Variants in CHID1 observed in about 807,000 individuals in gnomAD.
The protein encoded by CHID1 is chitinase domain containing 1.
A neutral mutation model predicts 55.4 loss-of-function variants in CHID1; 44 were observed. That is an observed-to-expected ratio of 0.79 (90% confidence interval 0.62 to 1.02). CHID1 has a LOEUF of 1.02. Among genes scored for constraint, CHID1 ranks in the 50% least tolerant of loss-of-function variants. The pLI is 0.00. For synonymous variants in CHID1, 216 were observed against 212.9 expected (o/e 1.01, Z -0.13); for missense variants, 491 against 515.3 (o/e 0.95, Z 0.46).
intron 5 of CHID1, 44 bp downstream of exon 5, chr11:900,892 A>C (rs1319117320): frequency 1.3e-6 from 2 of 1,558,274 alleles, no homozygotes; most frequent in African/African-American, 2.8e-5. Context: ...CCACCCCCGC[A>C]GTTTGAGCCA....
chr11:894,381 T>C (rs1851102135), intron 7 of CHID1, among the ~76,000 whole-genome samples: 1 of 152,090 alleles, frequency 6.6e-6, no homozygotes, highest in Non-Finnish European at 1.5e-5. Context: ...GGGATGGCAC[T>C]AGCCTCCCTC....
At chr11:910,816 G>A (rs1427591997), upstream of CHID1, 18 of 1,104,054 alleles carry the variant, frequency 1.6e-5, no homozygotes, top group Non-Finnish European at 1.8e-5. Flanking sequence ...CGCACGGCCG[G>A]AAAACGCTCC....
At position 868,873 on chromosome 11, in the gene CHID1, T is replaced by C. The variant is rs1361088589; in HGVS notation, c.*985A>G. On this transcript the variant is annotated 3_prime_UTR_variant, in exon 13 of 13. Transcript: ENST00000323578. The stretch of plus-strand genomic sequence containing the variant: ...CTCACTTCTGTCCCCCCGAGAGACC[T>C]TGCCCGGGACATGTACCCACCTATG... 1.3e-5 allele frequency: 2 copies of C among 151,974 alleles called. No individual in the cohort carries two copies. Among genetic ancestry groups the C allele is most frequent in the Admixed American group, 6.6e-5 (1 of 15,244 alleles). 9.4% of individuals were successfully genotyped at this position (151,974 alleles called of 1,614,324 possible). A position where few individuals can be genotyped will look rare whatever the true frequency, so the allele number is the denominator to read the frequency against.
chr11:869,849 A>G lies in CHID1; in HGVS notation c.*9T>C. The G allele has an allele frequency of 6.2e-7, 1 of 1,611,996 alleles. No individual in the cohort carries two copies. The highest frequency in any genetic ancestry group is 8.5e-7 in the Non-Finnish European group (1 of 1,178,966). On this transcript the variant is annotated 3_prime_UTR_variant, in exon 13 of 13. Transcript: ENST00000323578. ...AGAACACGTCCACCGCGGAGGCCGC[A>G]ATGCCCACCTAGAGCAGGTCGTAGA...
chr11:891,938 CAAAAAAAAAAAAAA>C (rs57065345), intron 8 of CHID1, among the ~76,000 whole-genome samples: 6 of 102,934 alleles, frequency 5.8e-5, no homozygotes, highest in Admixed American at 5.0e-4. Flanking sequence ...ACCTCATTTC[CAAAAAAAAAAAAAA>C]AAAAAAAACA....
chr11:870,640 TGGTGG>T, intron 10 of CHID1, 141 bp from the exon 11 acceptor site: 1 of 633,628 alleles, frequency 1.6e-6, no homozygotes, highest in Non-Finnish European at 2.8e-6. Context: ...GGACAACACC[TGGTGG>T]GGTGGCCAGA....
At chr11:870,097 T>C (rs1380542132) in intron 12 of CHID1, 24 bp downstream of exon 12, 2 of 1,609,356 alleles carry the variant, frequency 1.2e-6, no homozygotes, top group African/African-American at 2.7e-5. Flanking sequence ...CCTCCCCCGG[T>C]CCCACGGCTG....
intron 1 of CHID1, among the ~76,000 whole-genome samples, chr11:910,013 C>T (rs1466184701): frequency 2.0e-5 from 3 of 151,646 alleles, no homozygotes; most frequent in Admixed American, 1.3e-4. Context: ...GAACCGAGAT[C>T]GCGCCACTGC....
intron 8 of CHID1, among the ~76,000 whole-genome samples, chr11:889,039 G>A (rs1433430575): frequency 6.6e-6 from 1 of 152,176 alleles, no homozygotes; most frequent in Admixed American, 6.5e-5. Flanking sequence ...CAGGGCCCTG[G>A]GGGTGCACTG....
rs777661005 is a variant in CHID1, at chr11:900,011, A to C, written c.539T>G (p.Val180Gly). 1.2e-6 allele frequency: 2 copies of C among 1,613,324 alleles called. No homozygotes were observed. Among genetic ancestry groups the C allele is most frequent in the African/African-American group, 2.7e-5 (2 of 74,930 alleles). ...GCAGCACACAGGTCTCACCTTTGCCACCTGGACCACGGTCTTGCTCAGCTC... is the reference window on the plus strand; with the variant it reads ...GCAGCACACAGGTCTCACCTTTGCCCCCTGGACCACGGTCTTGCTCAGCTC... The part of the protein sequence containing the change: ...IEELSKTVVQ[V>G]AKNQHFDGFV... Residue 180 changes from valine to glycine, a missense_variant, in exon 6 of 13, where the codon GTG becomes GGG. Coordinates refer to ENST00000323578, the MANE Select transcript of CHID1 (RefSeq NM_023947.4).
intron 8 of CHID1, among the ~76,000 whole-genome samples, chr11:891,949 A>T (rs1364757964): frequency 6.6e-6 from 1 of 151,488 alleles, no homozygotes; most frequent in Non-Finnish European, 1.5e-5. Context: ...AAAAAAAAAA[A>T]AAAAAAAAAA....
rs944924848 is a variant in CHID1, at chr11:905,147, C to A, written c.-43-288G>T. On this transcript the variant is annotated intron_variant, in intron 1 of 12. Coordinates refer to ENST00000323578, the MANE Select transcript of CHID1 (RefSeq NM_023947.4). Reference sequence around the variant, plus strand: ...CCCTCCCCTCACAGCCCAAGGCCGCCCTGACCACCACTGGCAATCTAGAAA... The same window carrying A: ...CCCTCCCCTCACAGCCCAAGGCCGCACTGACCACCACTGGCAATCTAGAAA... 5.3e-5 allele frequency among the ~76,000 whole-genome samples: 8 copies of A among 152,362 alleles called. 1 individual carries two copies. In the South Asian group the frequency reaches 1.0e-3, roughly 20 times the overall value.
At chr11:888,811 C>T (rs1850588843) in intron 8 of CHID1, among the ~76,000 whole-genome samples, 2 of 151,346 alleles carry the variant, frequency 1.3e-5, no homozygotes, top group African/African-American at 4.9e-5. Context: ...TCGGCCTCGA[C>T]TGGACCCCGG....
At chr11:873,772 G>C (rs1023818032) in intron 10 of CHID1, among the ~76,000 whole-genome samples, 11 of 152,114 alleles carry the variant, frequency 7.2e-5, no homozygotes, top group African/African-American at 2.7e-4. Flanking sequence ...GCAGTAATGC[G>C]GGCTGTACAA....
Position 902,314 on chromosome 11 carries a change from T to C in CHID1, c.278A>G (p.Tyr93Cys), listed in dbSNP as rs775559505. 1.9e-6 allele frequency: 3 copies of C among 1,612,372 alleles called. No individual in the cohort carries two copies. The highest frequency in any genetic ancestry group is 2.2e-5 in the East Asian group (1 of 44,826). Residue 93 changes from tyrosine to cysteine, a missense_variant, in exon 4 of 13, where the codon TAC becomes TGC. Tyr to Cys is a radical substitution (Grantham distance 194, BLOSUM62 -2). Transcript: ENST00000323578. ...GCTCCCAAAGACCTTGGTGACATCG[T>C]AGCCATGGCTGTTCCACTGGCAAAA... ...GYVTPWNSHGYDVTKVFGSKF... is the reference protein window; with the variant it reads ...GYVTPWNSHGCDVTKVFGSKF...
chr11:870,545 A>C (rs1172978512), intron 10 of CHID1, 46 bp from the exon 11 acceptor site: 13 of 1,378,874 alleles, frequency 9.4e-6, no homozygotes, highest in Non-Finnish European at 1.2e-5. Context: ...CAGCTCCCCC[A>C]CAGCCCCACC....
At position 900,078 on chromosome 11, in the gene CHID1, CG is replaced by C; in HGVS notation, c.471del (p.Tyr157Ter). The part of the protein sequence containing the change: ...VPRLLFEDWT[Y>X]DDFRNVLDSE... ...CTGTCTAAGACGTTCCGGAAATCATCGTAAGTCCAGTCCTCAAACAGGAGCC... is the reference window on the plus strand; with the variant it reads ...CTGTCTAAGACGTTCCGGAAATCATCTAAGTCCAGTCCTCAAACAGGAGCC... On this transcript the variant is annotated frameshift_variant, in exon 6 of 13. Transcript: ENST00000323578. LOFTEE classifies it high-confidence loss of function. 1 of 1,614,028 alleles carries C rather than the reference CG, an allele frequency of 6.2e-7. No individual in the cohort carries two copies. The highest frequency in any genetic ancestry group is 1.1e-5 in the South Asian group (1 of 91,084).
Position 884,080 on chromosome 11 carries a change from G to C in CHID1, c.791C>G (p.Ser264Cys). 1 of 1,613,752 alleles carries C rather than the reference G, an allele frequency of 6.2e-7. No individual in the cohort carries two copies. The highest frequency in any genetic ancestry group is 8.5e-7 in the Non-Finnish European group (1 of 1,179,630). The change falls in exon 9 of 13, where the codon TCT becomes TGT. Residue 264 changes from serine (S) to cysteine (C), a missense_variant. Ser to Cys is a moderately radical substitution (Grantham distance 112). Transcript: ENST00000323578. ...AGCCCACACTCACTGATGCGCTGTA[G>C]AGTAGTCGTAGGTCATGAGGCTGAA... ...DGFSLMTYDY[S>C]TAHQPGPNAP... is the part of the protein sequence containing the mutation.
intron 7 of CHID1, among the ~76,000 whole-genome samples, chr11:898,344 T>C (rs7946095): frequency 0.086 from 13,061 of 152,156 alleles, 636 homozygotes; most frequent in Middle Eastern, 0.18. Context: ...CCAGAACTAC[T>C]TCAGGTGGTG....
Sources: allele counts gnomAD v4.1 joint callset (sites outside exome capture counted in the v4.1 genomes callset), GRCh38; gene constraint gnomAD v4.1.1; transcripts MANE v1.5; gene names NCBI Gene and HGNC (gene_info 2026-07-23, HGNC 2026-07-21).